Variants in LUZP1 observed in about 807,000 individuals in gnomAD.
LUZP1 encodes leucine zipper protein 1, also known as filamin mechanobinding actin cross-linking protein.
A neutral mutation model predicts 71.3 loss-of-function variants in LUZP1; 25 were observed. The observed-to-expected ratio is 0.35, with a 90% CI of 0.26 to 0.49. The LOEUF (loss-of-function observed/expected upper bound fraction) is 0.49. Among genes scored for constraint, LUZP1 ranks in the 20% least tolerant of loss-of-function variants. LUZP1 has a pLI of 0.99. For synonymous variants in LUZP1, 481 were observed against 506.4 expected (o/e 0.95, Z 0.67); for missense variants, 1,142 against 1,300.8 (o/e 0.88, Z 1.88).
At chr1:23,117,522 G>A (rs1296723982) in intron 2 of LUZP1, among the ~76,000 whole-genome samples, 3 of 111,312 alleles carry the variant, frequency 2.7e-5, no homozygotes, top group South Asian at 3.3e-4. Flanking sequence ...GGGGGGGCGG[G>A]GGGGGGGAAC....
intron 2 of LUZP1, among the ~76,000 whole-genome samples, chr1:23,156,554 TCA>T (rs1246294627): frequency 4.6e-5 from 7 of 152,338 alleles, no homozygotes; most frequent in African/African-American, 1.4e-4. Context: ...ATAAATAAAA[TCA>T]CAGTGACATT....
chr1:23,172,158 T>C (rs922384140), intron 1 of LUZP1, among the ~76,000 whole-genome samples: 1 of 152,164 alleles, frequency 6.6e-6, no homozygotes, highest in African/African-American at 2.4e-5. Flanking sequence ...GCTGTTACTA[T>C]TTGAACATGT....
intron 4 of LUZP1, among the ~76,000 whole-genome samples, chr1:23,089,374 G>A (rs1321549881): frequency 6.6e-6 from 1 of 152,192 alleles, no homozygotes; most frequent in Non-Finnish European, 1.5e-5. Flanking sequence ...GGAGGGGCCA[G>A]CAGTCTCCGA....
chr1:23,169,971 T>TACAC (rs35087847), intron 1 of LUZP1, among the ~76,000 whole-genome samples: 22,466 of 149,208 alleles, frequency 0.15, 2,019 homozygotes, highest in South Asian at 0.3. Flanking sequence ...TTCCTACCTT[T>TACAC]ACACACACAC....
chr1:23,101,914 A>G (rs1643934543), intron 3 of LUZP1, among the ~76,000 whole-genome samples: 1 of 152,182 alleles, frequency 6.6e-6, no homozygotes, highest in Non-Finnish European at 1.5e-5. Flanking sequence ...AGAAAATCTT[A>G]CCCTTGCCTT....
intron 2 of LUZP1, among the ~76,000 whole-genome samples, chr1:23,157,816 AAAAAT>A (rs1644431821): frequency 6.7e-6 from 1 of 149,482 alleles, no homozygotes; most frequent in Non-Finnish European, 1.5e-5. Context: ...AAAACAAAAC[AAAAAT>A]AATACATAAA....
chr1:23,112,589 C>T (rs760975855), intron 2 of LUZP1, among the ~76,000 whole-genome samples: 5 of 152,194 alleles, frequency 3.3e-5, no homozygotes, highest in Non-Finnish European at 5.9e-5. Context: ...CTCCCACAGA[C>T]AACAACTATA....
chr1:23,117,519 CGGGGGGG>C (rs71575742), intron 2 of LUZP1, among the ~76,000 whole-genome samples: 5 of 31,024 alleles, frequency 1.6e-4, no homozygotes, highest in Admixed American at 5.8e-4. Flanking sequence ...GGGGGGGGGG[CGGGGGGG>C]GGGAACACCT....
chr1:23,107,244 T>C (rs1251902406), intron 3 of LUZP1, among the ~76,000 whole-genome samples: 8 of 152,210 alleles, frequency 5.3e-5, no homozygotes, highest in African/African-American at 1.9e-4. Flanking sequence ...TCCCCACCAC[T>C]ATCACCTTAC....
At chr1:23,165,093 A>G (rs1256444307) in intron 2 of LUZP1, among the ~76,000 whole-genome samples, 2 of 152,152 alleles carry the variant, frequency 1.3e-5, no homozygotes, top group African/African-American at 4.8e-5. Context: ...TCACCATTAA[A>G]TACCGAAGGT....
chr1:23,139,418 C>A (rs181230801), intron 2 of LUZP1, among the ~76,000 whole-genome samples: 103 of 152,130 alleles, frequency 6.8e-4, no homozygotes, highest in African/African-American at 2.4e-3. Context: ...TGGGTTTGAA[C>A]TGCACAGGTC....
intron 2 of LUZP1, among the ~76,000 whole-genome samples, chr1:23,161,096 G>A (rs904856390): frequency 1.2e-4 from 19 of 152,158 alleles, no homozygotes; most frequent in Admixed American, 5.2e-4. Context: ...GTGCTGAATT[G>A]GGAATATGGC....
chr1:23,159,942 C>T (rs368521255), intron 2 of LUZP1, among the ~76,000 whole-genome samples: 3 of 152,272 alleles, frequency 2.0e-5, no homozygotes, highest in African/African-American at 7.2e-5. Flanking sequence ...GCCAAGATCA[C>T]GCCACTGCAC....
exon 5 of LUZP1, chr1:23,084,735 C>T (rs1643734774): frequency 6.6e-6 from 1 of 151,642 alleles, no homozygotes; most frequent in African/African-American, 2.4e-5. Context: ...AGGCTTTTCC[C>T]CCCCTAGTCT....
chr1:23,156,071 T>C (rs1253067999), intron 2 of LUZP1, among the ~76,000 whole-genome samples: 2 of 152,160 alleles, frequency 1.3e-5, no homozygotes, highest in Non-Finnish European at 2.9e-5. Context: ...TTCTTCAGCA[T>C]CTGTAGAAAG....
At chr1:23,099,037 A>G (rs1643912055) in intron 3 of LUZP1, among the ~76,000 whole-genome samples, 1 of 152,184 alleles carries the variant, frequency 6.6e-6, no homozygotes. Context: ...TTCTCTGGGT[A>G]CATCTTTCTC....
intron 2 of LUZP1, among the ~76,000 whole-genome samples, chr1:23,115,863 A>G (rs923091919): frequency 6.6e-6 from 1 of 152,098 alleles, no homozygotes; most frequent in Admixed American, 6.5e-5. Flanking sequence ...TTTTCTAACC[A>G]GTGGTCTACA....
At chr1:23,097,087 A>G (rs1643896262) in intron 3 of LUZP1, among the ~76,000 whole-genome samples, 1 of 152,192 alleles carries the variant, frequency 6.6e-6, no homozygotes, top group Admixed American at 6.5e-5. Flanking sequence ...GATGACACCT[A>G]GAATGCTGTT....
chr1:23,154,246 G>A (rs900526023), intron 2 of LUZP1, among the ~76,000 whole-genome samples: 3 of 152,126 alleles, frequency 2.0e-5, no homozygotes, highest in African/African-American at 7.2e-5. Context: ...GATTGTGGTG[G>A]TGGTTGTTGG....
Sources: allele counts gnomAD v4.1 joint callset (sites outside exome capture counted in the v4.1 genomes callset), GRCh38; gene constraint gnomAD v4.1.1; transcripts MANE v1.5; gene names NCBI Gene and HGNC (gene_info 2026-07-23, HGNC 2026-07-21).